The following PPFIBP1 variants were observed in gnomAD, a reference collection of about 807,000 sequenced individuals.
The protein encoded by PPFIBP1 is liprin-beta-1.
Under a neutral mutation model 137.8 loss-of-function variants are expected in PPFIBP1, and 112 were observed. That is an observed-to-expected ratio of 0.81 (90% CI 0.70 to 0.95). The LOEUF is 0.95. PPFIBP1 is among the 40% of genes least tolerant of loss of function. The probability of loss-of-function intolerance (pLI) is 0.00; values close to 1 mark genes in which losing one functional copy is unlikely to be tolerated. For synonymous variants in PPFIBP1, 378 were observed against 417.3 expected (o/e 0.91, Z 1.15); for missense variants, 1,083 against 1,196.6 (o/e 0.91, Z 1.40).
At chr12:27,612,183 G>A (rs867237591) in intron 2 of PPFIBP1, among the ~76,000 whole-genome samples, 1 of 152,034 alleles carries the variant, frequency 6.6e-6, no homozygotes, top group African/African-American at 2.4e-5. Context: ...AGAGGTACAG[G>A]TTCTTGAAGC....
intron 2 of PPFIBP1, among the ~76,000 whole-genome samples, chr12:27,595,884 A>AACAACAAC (rs1372079287): frequency 5.4e-5 from 3 of 55,604 alleles, no homozygotes; most frequent in African/African-American, 1.4e-4. Context: ...CAACAACAAC[A>AACAACAAC]AAATATATAT....
At chr12:27,648,561 C>A (rs942469724) in intron 6 of PPFIBP1, among the ~76,000 whole-genome samples, 11 of 152,170 alleles carry the variant, frequency 7.2e-5, no homozygotes, top group Admixed American at 1.3e-4. Flanking sequence ...GAGTTTGCTG[C>A]AGCTCTGTTC....
chr12:27,544,418 G>A (rs1291459971), intron 1 of PPFIBP1, among the ~76,000 whole-genome samples: 3 of 152,208 alleles, frequency 2.0e-5, no homozygotes, highest in South Asian at 4.1e-4. Context: ...AAGATCTTCC[G>A]TACAGCAAAA....
rs577658117 is a variant in PPFIBP1 at position 27,556,208 on chromosome 12, C to T, written c.-123-21944C>T. 2.6e-5 allele frequency among the ~76,000 whole-genome samples: 4 copies of T among 152,246 alleles called. No individual in the cohort carries two copies. In the South Asian group the frequency reaches 8.3e-4, roughly 32 times the overall value. ...ACATGATTAACTGTAAGATCCCTGC[C>T]ATATAGATGGCTAATAATATTTTCC... is the stretch of plus-strand genomic sequence containing the variant. On this transcript the variant is annotated intron_variant, in intron 1 of 29. Transcript: ENST00000228425.
At chr12:27,545,752 CA>C (rs1416257375) in intron 1 of PPFIBP1, among the ~76,000 whole-genome samples, 2 of 152,176 alleles carry the variant, frequency 1.3e-5, no homozygotes, top group Non-Finnish European at 2.9e-5. Flanking sequence ...TAACAGTAGG[CA>C]AAACCCGTGG....
chr12:27,661,570 C>T (rs143358689), intron 11 of PPFIBP1, among the ~76,000 whole-genome samples: 79 of 152,288 alleles, frequency 5.2e-4, no homozygotes, highest in African/African-American at 1.5e-3. Flanking sequence ...TGGGTTTCTT[C>T]GTGGCTTACC....
intron 1 of PPFIBP1, among the ~76,000 whole-genome samples, chr12:27,563,896 G>A (rs1460787754): frequency 4.8e-5 from 7 of 146,362 alleles, no homozygotes; most frequent in East Asian, 2.0e-4. Context: ...TTTTTGAGAC[G>A]GAGTCTCTCT....
chr12:27,670,875 G>T (rs1432815470), intron 13 of PPFIBP1, among the ~76,000 whole-genome samples: 1 of 151,544 alleles, frequency 6.6e-6, no homozygotes, highest in African/African-American at 2.4e-5. Flanking sequence ...CAACCTGCAG[G>T]GGTAGGCATT....
At chr12:27,595,555 A>G (rs938972883) in intron 2 of PPFIBP1, among the ~76,000 whole-genome samples, 1 of 152,068 alleles carries the variant, frequency 6.6e-6, no homozygotes, top group African/African-American at 2.4e-5. Context: ...TTTTGCTTCC[A>G]AAATATTCTG....
chr12:27,599,162 G>T (rs2137652069), intron 2 of PPFIBP1, among the ~76,000 whole-genome samples: 1 of 152,296 alleles, frequency 6.6e-6, no homozygotes, highest in South Asian at 2.1e-4. Flanking sequence ...TCAGATATTT[G>T]TTCAACATTA....
At chr12:27,690,660 T>A (rs1593420372) in intron 27 of PPFIBP1, among the ~76,000 whole-genome samples, 3 of 152,368 alleles carry the variant, frequency 2.0e-5, no homozygotes, top group Admixed American at 2.0e-4. Flanking sequence ...ATAATCCATG[T>A]ATTGGCAATG....
chr12:27,546,270 C>A (rs943987740), intron 1 of PPFIBP1, among the ~76,000 whole-genome samples: 2 of 152,192 alleles, frequency 1.3e-5, no homozygotes, highest in African/African-American at 4.8e-5. Context: ...TGATATTGGG[C>A]AAGTCACTTA....
chr12:27,543,670 G>A (rs1335415431), intron 1 of PPFIBP1, among the ~76,000 whole-genome samples: 3 of 152,138 alleles, frequency 2.0e-5, no homozygotes, highest in Non-Finnish European at 4.4e-5. Flanking sequence ...GTGATTATGT[G>A]AAATTTACAT....
chr12:27,681,679 C>T lies in PPFIBP1; in HGVS notation c.2029C>T (p.Gln677Ter). 1 of 1,614,082 alleles carries T rather than the reference C, an allele frequency of 6.2e-7. No homozygotes were observed. Among genetic ancestry groups the T allele is most frequent in the Non-Finnish European group, 8.5e-7 (1 of 1,179,984 alleles). The change falls in exon 22 of 30, where the codon CAA becomes TAA. Residue 677 changes from glutamine (Q) to a stop codon, truncating the protein, a stop_gained. Coordinates refer to ENST00000228425, the MANE Select transcript of PPFIBP1 (RefSeq NM_003622.4). LOFTEE classifies it high-confidence loss of function. Reference sequence around the variant, plus strand: ...TGGCCAAACGCTTTTGCAGGCTTCTCAACAAGATCTAGAGAAGGTGACTGC... The same window carrying T: ...TGGCCAAACGCTTTTGCAGGCTTCTTAACAAGATCTAGAGAAGGTGACTGC... ...ASGQTLLQAS[Q>*]QDLEKELGIK... is the part of the protein sequence containing the mutation.
At chr12:27,600,590 C>T (rs564944980) in intron 2 of PPFIBP1, among the ~76,000 whole-genome samples, 3 of 151,918 alleles carry the variant, frequency 2.0e-5, no homozygotes, top group East Asian at 1.9e-4. Flanking sequence ...AACTTAAGCC[C>T]CCTTTTATTT....
intron 24 of PPFIBP1, among the ~76,000 whole-genome samples, chr12:27,687,148 C>G (rs2061252803): frequency 6.6e-6 from 1 of 152,164 alleles, no homozygotes; most frequent in South Asian, 2.1e-4. Flanking sequence ...TTCTACAGAT[C>G]TCAGAGCATC....
chr12:27,544,258 A>G (rs1489868094), intron 1 of PPFIBP1, among the ~76,000 whole-genome samples: 1 of 152,148 alleles, frequency 6.6e-6, no homozygotes, highest in African/African-American at 2.4e-5. Context: ...GAGAGAATGG[A>G]CAAACAAACT....
intron 8 of PPFIBP1, among the ~76,000 whole-genome samples, chr12:27,655,999 T>C (rs920780913): frequency 3.3e-5 from 5 of 152,250 alleles, no homozygotes; most frequent in Non-Finnish European, 5.9e-5. Context: ...CACAGTTGTA[T>C]AGTTAAAAAT....
chr12:27,677,223 G>T, intron 19 of PPFIBP1, 127 bp downstream of exon 19: 1 of 1,200,032 alleles, frequency 8.3e-7, no homozygotes, highest in South Asian at 1.4e-5. Context: ...TCTCTATTCC[G>T]GAGTGTTCTT....
Sources: allele counts gnomAD v4.1 joint callset (sites outside exome capture counted in the v4.1 genomes callset), GRCh38; gene constraint gnomAD v4.1.1; transcripts MANE v1.5; gene names NCBI Gene and HGNC (gene_info 2026-07-23, HGNC 2026-07-21).